Variants in ABTB3 observed in about 807,000 individuals in gnomAD.
ABTB3 encodes the protein ankyrin repeat- and BTB/POZ domain-containing protein 3.
chr12:107,426,962 T>G, the ABTB3 span, among the ~76,000 whole-genome samples: 1 of 152,212 alleles, frequency 6.6e-6, no homozygotes, highest in Non-Finnish European at 1.5e-5. Context: ...TCATCCATTT[T>G]CACCCCCCAC....
At chr12:107,553,665 G>A in the ABTB3 span, among the ~76,000 whole-genome samples, 18,387 of 152,180 alleles carry the variant, frequency 0.12, 1,330 homozygotes, top group Non-Finnish European at 0.17. Context: ...GAGACTGGGC[G>A]TGGTGGCTCA....
the ABTB3 span, among the ~76,000 whole-genome samples, chr12:107,553,514 G>A: frequency 4.1e-4 from 63 of 152,280 alleles, no homozygotes; most frequent in African/African-American, 1.3e-3. Context: ...ATGCACCACC[G>A]GGGGAGGAAG....
chr12:107,488,928 A>G, the ABTB3 span, among the ~76,000 whole-genome samples: 92 of 152,222 alleles, frequency 6.0e-4, 3 homozygotes, highest in South Asian at 0.017. Context: ...ATAAAAGAGA[A>G]CTTACGAAAG....
chr12:107,543,942 G>T, the ABTB3 span: 1 of 1,612,888 alleles, frequency 6.2e-7, no homozygotes, highest in Non-Finnish European at 8.5e-7. Context: ...CAGGTGACCT[G>T]GTGTCCCGTG....
At chr12:107,616,608 C>T in the ABTB3 span, among the ~76,000 whole-genome samples, 9 of 152,178 alleles carry the variant, frequency 5.9e-5, no homozygotes, top group African/African-American at 1.7e-4. Flanking sequence ...GGTGGGGCCC[C>T]GGGAGACCCC....
chr12:107,519,593 TG>T, the ABTB3 span, among the ~76,000 whole-genome samples: 2 of 152,204 alleles, frequency 1.3e-5, no homozygotes, highest in Non-Finnish European at 2.9e-5. Context: ...GCTGGGATTA[TG>T]GGCGTGAGCC....
chr12:107,627,647 G>A, the ABTB3 span, among the ~76,000 whole-genome samples: 1 of 152,158 alleles, frequency 6.6e-6, no homozygotes, highest in Non-Finnish European at 1.5e-5. Flanking sequence ...TGCAGCCATG[G>A]TGACTTCTTT....
the ABTB3 span, chr12:107,614,989 C>CAGAT: frequency 9.0e-6 from 12 of 1,326,108 alleles, no homozygotes; most frequent in Non-Finnish European, 1.3e-5. Flanking sequence ...TGCCCAGCCA[C>CAGAT]AGATACGTCA....
chr12:107,323,078 A>G, the ABTB3 span, among the ~76,000 whole-genome samples: 1 of 152,222 alleles, frequency 6.6e-6, no homozygotes, highest in African/African-American at 2.4e-5. Context: ...TGTATTATAC[A>G]ATGATGTCCT....
the ABTB3 span, among the ~76,000 whole-genome samples, chr12:107,530,859 A>G: frequency 3.9e-5 from 6 of 152,236 alleles, no homozygotes; most frequent in Non-Finnish European, 7.3e-5. Context: ...ACAGATTCCC[A>G]GAAATGGAAT....
At chr12:107,545,418 A>AT in the ABTB3 span, among the ~76,000 whole-genome samples, 9 of 151,156 alleles carry the variant, frequency 6.0e-5, no homozygotes, top group East Asian at 7.8e-4. Flanking sequence ...TAATTTTTGC[A>AT]TTTTTTTTGT....
chr12:107,651,385 C>G, the ABTB3 span, among the ~76,000 whole-genome samples: 1 of 152,180 alleles, frequency 6.6e-6, no homozygotes, highest in East Asian at 1.9e-4. Context: ...ACCCTTATTT[C>G]TGGACATAAC....
chr12:107,604,819 G>A, the ABTB3 span, among the ~76,000 whole-genome samples: 1 of 152,156 alleles, frequency 6.6e-6, no homozygotes, highest in Non-Finnish European at 1.5e-5. Flanking sequence ...ACACTCCTGT[G>A]TTTATTGCAG....
chr12:107,363,678 CT>C, the ABTB3 span, among the ~76,000 whole-genome samples: 1 of 152,138 alleles, frequency 6.6e-6, no homozygotes, highest in African/African-American at 2.4e-5. Flanking sequence ...TGAAACTAGG[CT>C]GTTTTTTCTT....
the ABTB3 span, among the ~76,000 whole-genome samples, chr12:107,519,338 T>TG: frequency 1.3e-5 from 2 of 151,430 alleles, no homozygotes; most frequent in Non-Finnish European, 2.9e-5. Flanking sequence ...TTTCTTTTTT[T>TG]TTTTTTGACA....
chr12:107,602,682 C>T, the ABTB3 span, among the ~76,000 whole-genome samples: 1 of 152,220 alleles, frequency 6.6e-6, no homozygotes, highest in Admixed American at 6.5e-5. Flanking sequence ...CTCATAATTT[C>T]TATGCTAGCT....
At chr12:107,550,002 G>C in the ABTB3 span, among the ~76,000 whole-genome samples, 2 of 152,222 alleles carry the variant, frequency 1.3e-5, no homozygotes, top group Non-Finnish European at 2.9e-5. Flanking sequence ...CAGGAGATAA[G>C]TTCCTGATGA....
the ABTB3 span, among the ~76,000 whole-genome samples, chr12:107,563,497 A>G: frequency 6.6e-6 from 1 of 152,336 alleles, no homozygotes; most frequent in African/African-American, 2.4e-5. Context: ...AAGTGCTACT[A>G]TGTGCAAGTC....
chr12:107,487,546 A>G, the ABTB3 span, among the ~76,000 whole-genome samples: 2 of 152,142 alleles, frequency 1.3e-5, no homozygotes, highest in African/African-American at 4.8e-5. Context: ...CTGGTGTTTA[A>G]TGTGACTTGG....
Sources: gnomAD v4.1 joint callset for allele counts (sites outside exome capture counted in the v4.1 genomes callset) on GRCh38, gnomAD v4.1.1 for gene constraint, MANE v1.5 for transcripts, NCBI Gene and HGNC (gene_info 2026-07-23, HGNC 2026-07-21) for gene names.